The following FRMD5 variants were observed in gnomAD, a reference collection of about 807,000 sequenced individuals.
FRMD5 encodes the protein FERM domain-containing protein 5.
A neutral mutation model predicts 69.0 loss-of-function variants in FRMD5; 20 were observed. The ratio of observed to expected loss-of-function variants is 0.29; its 90% CI spans 0.20 to 0.42. The LOEUF is 0.42. Ranked by LOEUF, FRMD5 falls within the 10% of genes least tolerant of loss-of-function variation. The probability of loss-of-function intolerance (pLI) is 1.00; values close to 1 mark genes in which losing one functional copy is unlikely to be tolerated. For synonymous variants in FRMD5, 271 were observed against 260.1 expected, an observed-to-expected ratio of 1.04 and a Z score of -0.40; for missense variants, 595 against 708.6, an observed-to-expected ratio of 0.84 and a Z score of 1.82.
At chr15:43,881,289 A>G (rs1464488079) in intron 13 of FRMD5, among the ~76,000 whole-genome samples, 1 of 152,144 alleles carries the variant, frequency 6.6e-6, no homozygotes, top group African/African-American at 2.4e-5. Flanking sequence ...GGAGAAAGTT[A>G]TGTTTCCTCA....
intron 1 of FRMD5, chr15:44,194,284 A>G (rs2078245688): frequency 6.6e-6 from 1 of 152,284 alleles, no homozygotes; most frequent in Admixed American, 6.5e-5. Context: ...CCAAGCCCCA[A>G]ATCGCTGGGA....
At chr15:44,093,072 T>C (rs569480883) in intron 1 of FRMD5, among the ~76,000 whole-genome samples, 2 of 151,652 alleles carry the variant, frequency 1.3e-5, no homozygotes, top group South Asian at 2.1e-4. Context: ...GCTAGGACTA[T>C]AGGCGCGCAC....
At position 43,924,325 on chromosome 15, in the gene FRMD5, A is replaced by C. The variant is rs1272625551; in HGVS notation, c.103-16T>G. On this transcript the variant is annotated splice_polypyrimidine_tract_variant and intron_variant, in intron 1 of 13. Coordinates refer to ENST00000417257, the MANE Select transcript of FRMD5 (RefSeq NM_032892.5). ...TGGCATCTCTCTGCAAAGAAAGAAA[A>C]CTCCATTGAGAAATGAGTGGGTTTC... 1 of 1,593,644 alleles carries C rather than the reference A, an allele frequency of 6.3e-7. No homozygotes were observed. Among genetic ancestry groups the C allele is most frequent in the African/African-American group, 1.3e-5 (1 of 74,204 alleles).
intron 1 of FRMD5, among the ~76,000 whole-genome samples, chr15:44,001,446 G>A (rs564365340): frequency 6.6e-6 from 1 of 151,924 alleles, no homozygotes; most frequent in Non-Finnish European, 1.5e-5. Context: ...TGTTGCCTGT[G>A]TTTTTAGTGT....
At chr15:43,936,189 T>C (rs1393902718) in intron 1 of FRMD5, among the ~76,000 whole-genome samples, 2 of 152,098 alleles carry the variant, frequency 1.3e-5, no homozygotes, top group African/African-American at 4.8e-5. Context: ...TATTTGTGGG[T>C]TTTTGTTTCT....
At chr15:44,112,333 AG>A (rs1330150446) in intron 1 of FRMD5, among the ~76,000 whole-genome samples, 2 of 152,208 alleles carry the variant, frequency 1.3e-5, no homozygotes, top group Non-Finnish European at 2.9e-5. Context: ...AAAAGCCTGA[AG>A]GGACTGTTAA....
At chr15:44,165,582 T>A (rs2077695472) in intron 1 of FRMD5, among the ~76,000 whole-genome samples, 1 of 152,128 alleles carries the variant, frequency 6.6e-6, no homozygotes, top group Non-Finnish European at 1.5e-5. Flanking sequence ...ATACCTGCAG[T>A]CCCAGCACTT....
At chr15:43,977,404 T>C (rs941180063) in intron 1 of FRMD5, among the ~76,000 whole-genome samples, 3 of 152,162 alleles carry the variant, frequency 2.0e-5, no homozygotes, top group Non-Finnish European at 4.4e-5. Context: ...GGAATAGGGA[T>C]GTAGGTTCTC....
At chr15:44,107,903 A>T (rs1437231212) in intron 1 of FRMD5, among the ~76,000 whole-genome samples, 2 of 152,194 alleles carry the variant, frequency 1.3e-5, no homozygotes, top group Non-Finnish European at 2.9e-5. Flanking sequence ...TATGACAATT[A>T]ATTCTCAATT....
chr15:44,044,695 T>G (rs920879688), intron 1 of FRMD5, among the ~76,000 whole-genome samples: 1 of 149,840 alleles, frequency 6.7e-6, no homozygotes, highest in African/African-American at 2.5e-5. Context: ...TTCTCATTCA[T>G]AAGTGGGTGC....
intron 7 of FRMD5, 37 bp from the exon 8 acceptor site, chr15:43,892,106 GCA>G: frequency 1.9e-6 from 3 of 1,578,054 alleles, no homozygotes; most frequent in Non-Finnish European, 2.6e-6. Flanking sequence ...GGTGATGCAG[GCA>G]CAGAGGTGAA....
chr15:44,139,055 G>C (rs906676999), intron 1 of FRMD5, among the ~76,000 whole-genome samples: 2 of 152,038 alleles, frequency 1.3e-5, no homozygotes, highest in Non-Finnish European at 2.9e-5. Flanking sequence ...GGCAATGGTT[G>C]CACAATTCTG....
intron 1 of FRMD5, among the ~76,000 whole-genome samples, chr15:44,098,248 C>T (rs1186010274): frequency 6.6e-6 from 1 of 152,024 alleles, no homozygotes; most frequent in African/African-American, 2.4e-5. Flanking sequence ...GATACAAGGC[C>T]GGGTGCAGTG....
chr15:44,137,061 AT>A (rs2077198031), intron 1 of FRMD5, among the ~76,000 whole-genome samples: 1 of 152,256 alleles, frequency 6.6e-6, no homozygotes, highest in Non-Finnish European at 1.5e-5. Context: ...TAACACTTAG[AT>A]GCTAATAAAA....
At chr15:44,125,855 C>T (rs1003582842) in intron 1 of FRMD5, among the ~76,000 whole-genome samples, 1 of 152,238 alleles carries the variant, frequency 6.6e-6, no homozygotes, top group African/African-American at 2.4e-5. Context: ...ATTGACTCTG[C>T]TACCCTGCCA....
At chr15:43,913,272 A>AGG (rs890176841) in intron 4 of FRMD5, among the ~76,000 whole-genome samples, 6 of 152,214 alleles carry the variant, frequency 3.9e-5, no homozygotes, top group African/African-American at 1.4e-4. Context: ...GTTAAAGGCA[A>AGG]GGCCACAGGG....
At chr15:44,067,565 G>A (rs1893363876) in intron 1 of FRMD5, among the ~76,000 whole-genome samples, 1 of 152,144 alleles carries the variant, frequency 6.6e-6, no homozygotes, top group South Asian at 2.1e-4. Context: ...GTTCCTCATG[G>A]ATCATGCCGT....
At chr15:43,931,377 GTCTC>G (rs1183128142) in intron 1 of FRMD5, among the ~76,000 whole-genome samples, 2 of 151,140 alleles carry the variant, frequency 1.3e-5, no homozygotes, top group Non-Finnish European at 1.5e-5. Context: ...TCTATTCTCT[GTCTC>G]TCTCTCTCTC....
intron 1 of FRMD5, among the ~76,000 whole-genome samples, chr15:44,075,539 A>G (rs1455086003): frequency 6.6e-6 from 1 of 152,100 alleles, no homozygotes; most frequent in Non-Finnish European, 1.5e-5. Context: ...TAAATACTCA[A>G]ATGATGGTAT....
Sources: gnomAD v4.1 joint callset for allele counts (sites outside exome capture counted in the v4.1 genomes callset) on GRCh38, gnomAD v4.1.1 for gene constraint, MANE v1.5 for transcripts, NCBI Gene and HGNC (gene_info 2026-07-23, HGNC 2026-07-21) for gene names.